The following SEC14L5 variants were observed in gnomAD, a reference collection of about 807,000 sequenced individuals.
SEC14L5 encodes SEC14-like protein 5.
Under a neutral mutation model 84.6 loss-of-function variants are expected in SEC14L5, and 96 were observed. The observed-to-expected ratio is 1.13, with a 90% CI of 0.96 to 1.34. The LOEUF (loss-of-function observed/expected upper bound fraction) is 1.34, where lower values mean the gene tolerates loss of function less well. Ranked by LOEUF, SEC14L5 falls within the 40% of genes most tolerant of loss-of-function variation. The probability of loss-of-function intolerance (pLI) is 0.00; values close to 1 mark genes in which losing one functional copy is unlikely to be tolerated. For missense variants in SEC14L5, 1,224 were observed against 942.5 expected (o/e 1.30, Z -3.91); for synonymous variants, 546 against 383.4 (o/e 1.42, Z -4.95).
rs1596621069 is a variant in SEC14L5, at chr16:4,978,725, C to T, written c.64-8832C>T. ...TCAGGCCATTTTCCTGCCTCAGCCTCCCGAGTAGCTGGAACTACAGGCGCC... is the reference window on the plus strand; with the variant it reads ...TCAGGCCATTTTCCTGCCTCAGCCTTCCGAGTAGCTGGAACTACAGGCGCC... On this transcript the variant is annotated intron_variant, in intron 2 of 15. Coordinates refer to ENST00000251170, the MANE Select transcript of SEC14L5 (RefSeq NM_014692.2). Among the ~76,000 whole-genome samples the T allele has an allele frequency of 2.0e-5, 3 of 152,186 alleles. No individual in the cohort carries two copies. In the South Asian group the frequency reaches 6.2e-4, roughly 32 times the overall value.
At position 4,988,132 on chromosome 16, in the gene SEC14L5, C is replaced by G. The variant is rs562760212; in HGVS notation, c.214-17C>G. ...CGCCGCCCACCCACCTCCGCCTCCC[C>G]GCCCCTTCCCTTGCAGATCGCAGGT... On this transcript the variant is annotated splice_polypyrimidine_tract_variant and intron_variant, in intron 3 of 15. Coordinates refer to ENST00000251170, the MANE Select transcript of SEC14L5 (RefSeq NM_014692.2). 6.2e-7 allele frequency: 1 copy of G among 1,613,030 alleles called. No homozygotes were observed. Among genetic ancestry groups the G allele is most frequent in the Non-Finnish European group, 8.5e-7 (1 of 1,179,414 alleles).
intron 2 of SEC14L5, among the ~76,000 whole-genome samples, chr16:4,984,668 C>A (rs895245560): frequency 2.6e-5 from 4 of 152,194 alleles, no homozygotes; most frequent in Non-Finnish European, 5.9e-5. Context: ...TTGGGGGCTT[C>A]AATTTCTCCA....
intron 11 of SEC14L5, 45 bp downstream of exon 11, chr16:5,003,618 G>C: frequency 2.4e-6 from 1 of 414,170 alleles, no homozygotes; most frequent in Non-Finnish European, 4.6e-6. Context: ...GGGGTGGGTG[G>C]GATGGGAGGG....
In SEC14L5 at chr16:5,012,207, C is replaced by G. The variant is rs531238437; in HGVS notation, c.1979+934C>G. 5.9e-5 allele frequency among the ~76,000 whole-genome samples: 9 copies of G among 152,216 alleles called. 1 individual carries two copies. In the South Asian group the frequency reaches 1.9e-3, roughly 32 times the overall value. On this transcript the variant is annotated intron_variant, in intron 15 of 15. Transcript: ENST00000251170. ...CTCTTTGTGAAGCTGCATGTTTTGG[C>G]CATCGGTCCTCAGTGTGAGGCGACA...
chr16:5,014,710 T>A (rs1955850999), intron 15 of SEC14L5, 149 bp from the exon 16 acceptor site: 1 of 622,536 alleles, frequency 1.6e-6, no homozygotes, highest in South Asian at 1.9e-5. Flanking sequence ...AGTGCTTTTC[T>A]CTTCATGGCG....
chr16:4,961,670 T>G (rs970599354), intron 2 of SEC14L5, among the ~76,000 whole-genome samples: 2 of 152,204 alleles, frequency 1.3e-5, no homozygotes, highest in Non-Finnish European at 2.9e-5. Flanking sequence ...TGGGCATGGC[T>G]TATTTTCAAG....
At chr16:4,960,119 T>G (rs1019252) in intron 2 of SEC14L5, among the ~76,000 whole-genome samples, 88,318 of 152,040 alleles carry the variant, frequency 0.58, 26,684 homozygotes, top group East Asian at 0.79. Context: ...ACTGGTCTTT[T>G]CACCCTGGGG....
chr16:4,970,168 G>T (rs1417365308), intron 2 of SEC14L5, among the ~76,000 whole-genome samples: 1 of 152,062 alleles, frequency 6.6e-6, no homozygotes, highest in Non-Finnish European at 1.5e-5. Flanking sequence ...ATAGTCTATT[G>T]GGGGAGGGGG....
Position 4,970,458 on chromosome 16 carries a change from CA to C in SEC14L5, c.63+11073del, listed in dbSNP as rs1333705850. 2.0e-5 allele frequency among the ~76,000 whole-genome samples: 3 copies of C among 152,198 alleles called. 1 individual carries two copies. The highest frequency in any genetic ancestry group is 7.2e-5 in the African/African-American group (3 of 41,446). On this transcript the variant is annotated intron_variant, in intron 2 of 15. Coordinates refer to ENST00000251170, the MANE Select transcript of SEC14L5 (RefSeq NM_014692.2). ...GGCAGCGTCATCAGGGGCCAGGAAGCAGAGACGTTGGAGGTCTGGAGGCATT... is the reference window on the plus strand; with the variant it reads ...GGCAGCGTCATCAGGGGCCAGGAAGCGAGACGTTGGAGGTCTGGAGGCATT...
chr16:4,969,319 C>T (rs1955245624), intron 2 of SEC14L5, among the ~76,000 whole-genome samples: 1 of 151,784 alleles, frequency 6.6e-6, no homozygotes, highest in Non-Finnish European at 1.5e-5. Context: ...GAAGGCTGTG[C>T]GAGGTGGATT....
intron 14 of SEC14L5, among the ~76,000 whole-genome samples, chr16:5,009,334 C>T (rs1172994317): frequency 6.6e-6 from 1 of 152,042 alleles, no homozygotes; most frequent in Admixed American, 6.6e-5. Flanking sequence ...GAGACAGGGT[C>T]TCACTCTATC....
At chr16:4,986,700 T>A (rs1470114879) in intron 2 of SEC14L5, among the ~76,000 whole-genome samples, 2 of 151,644 alleles carry the variant, frequency 1.3e-5, no homozygotes, top group Admixed American at 1.3e-4. Flanking sequence ...GGGCTTTAAT[T>A]TTTTTCAGCA....
At chr16:5,007,907 CTTTT>C (rs1191230078) in intron 13 of SEC14L5, among the ~76,000 whole-genome samples, 3 of 110,094 alleles carry the variant, frequency 2.7e-5, no homozygotes, top group African/African-American at 3.5e-5. Flanking sequence ...CGCCTGGCCT[CTTTT>C]TTTTTTTTTT....
At chr16:4,987,460 C>G (rs961189182) in intron 2 of SEC14L5, 97 bp from the exon 3 acceptor site, 5 of 1,084,116 alleles carry the variant, frequency 4.6e-6, no homozygotes, top group Non-Finnish European at 6.4e-6. Flanking sequence ...CTGCCTTTCC[C>G]GTCTGATAAG....
intron 15 of SEC14L5, among the ~76,000 whole-genome samples, chr16:5,013,145 CA>C (rs1955826444): frequency 6.6e-6 from 1 of 152,210 alleles, no homozygotes; most frequent in South Asian, 2.1e-4. Context: ...AATCACCTCC[CA>C]CCAGATCCCT....
intron 11 of SEC14L5, 106 bp from the exon 12 acceptor site, chr16:5,005,808 G>T: frequency 8.8e-7 from 1 of 1,139,822 alleles, no homozygotes. Flanking sequence ...AGCTTGCAGT[G>T]AGCCAAGATC....
At chr16:4,978,087 C>T (rs995778780) in intron 2 of SEC14L5, among the ~76,000 whole-genome samples, 4 of 147,052 alleles carry the variant, frequency 2.7e-5, no homozygotes, top group African/African-American at 7.5e-5. Flanking sequence ...TAGGTGTGAG[C>T]CACTGTGCAC....
At chr16:4,974,791 A>G (rs1305237364) in intron 2 of SEC14L5, among the ~76,000 whole-genome samples, 1 of 151,750 alleles carries the variant, frequency 6.6e-6, no homozygotes, top group Non-Finnish European at 1.5e-5. Flanking sequence ...ATATATATAT[A>G]TTTTGAGATG....
chr16:5,001,413 C>T (rs1354721508), intron 10 of SEC14L5, among the ~76,000 whole-genome samples: 1 of 152,090 alleles, frequency 6.6e-6, no homozygotes, highest in African/African-American at 2.4e-5. Flanking sequence ...CACCCGCCAC[C>T]ACGCCTGACT....
Sources: allele counts gnomAD v4.1 joint callset (sites outside exome capture counted in the v4.1 genomes callset), GRCh38; gene constraint gnomAD v4.1.1; transcripts MANE v1.5; gene names NCBI Gene and HGNC (gene_info 2026-07-23, HGNC 2026-07-21).